The following PARP1 variants were observed in gnomAD, a reference collection of about 807,000 sequenced individuals.
PARP1 encodes poly [ADP-ribose] polymerase 1.
In PARP1, 44 loss-of-function variants were observed where a neutral mutation model predicts 118.7. That is an observed-to-expected ratio of 0.37 (90% CI 0.29 to 0.48). PARP1 has a LOEUF of 0.48. Ranked by LOEUF, PARP1 falls within the 20% of genes least tolerant of loss-of-function variation. The pLI is 0.99. For missense variants in PARP1, 1,100 were observed against 1,272.4 expected (o/e 0.86, Z 2.06); for synonymous variants, 492 against 483.2 (o/e 1.02, Z -0.24).
At position 226,390,113 on chromosome 1, in the gene PARP1, A is replaced by G. The variant is rs1664793273; in HGVS notation, c.617+297T>C. On this transcript the variant is annotated intron_variant, in intron 4 of 22. Coordinates refer to ENST00000366794, the MANE Select transcript of PARP1 (RefSeq NM_001618.4). The stretch of plus-strand genomic sequence containing the variant: ...TAAGTATCTAAAGGGTTGTGGTGGG[A>G]AAGTGTAGTTAGCCTGTCCATGGAG... Among the ~76,000 whole-genome samples the G allele has an allele frequency of 1.3e-5, 2 of 152,100 alleles. 1 individual carries two copies. Among genetic ancestry groups the G allele is most frequent in the Non-Finnish European group, 2.9e-5 (2 of 68,022 alleles).
At chr1:226,405,888 C>T (rs1665137403) in intron 1 of PARP1, among the ~76,000 whole-genome samples, 1 of 152,042 alleles carries the variant, frequency 6.6e-6, no homozygotes, top group Non-Finnish European at 1.5e-5. Flanking sequence ...GGCCGAGGTG[C>T]ATGGATCGCT....
In PARP1 at chr1:226,408,039, C is replaced by A. The variant is rs1024621699; in HGVS notation, c.-110G>T. 4 of 1,511,966 alleles carry A rather than the reference C, an allele frequency of 2.6e-6. No homozygotes were observed. In the African/African-American group the frequency reaches 5.5e-5, roughly 21 times the overall value. 93.7% of individuals were successfully genotyped at this position (1,511,966 alleles called of 1,614,324 possible). A position where few individuals can be genotyped will look rare whatever the true frequency, so the allele number is the denominator to read the frequency against. The stretch of plus-strand genomic sequence containing the variant: ...ACCCAGCCGCAGGCGCCTGAGCGGC[C>A]AGAGCCGCCACCGAACACGCCGCAC... On this transcript the variant is annotated 5_prime_UTR_variant, in exon 1 of 23. Transcript: ENST00000366794.
chr1:226,379,194 C>T lies in PARP1; in HGVS notation c.1693G>A (p.Gly565Arg), dbSNP rs746345386. ...ATLGLVDIVK[G>R]TNSYYKLQLL... ...TGCAGCTTGTAGTAGGAGTTGGTTC[C>T]TTTAACGATGTCCACCAGGCCAAGG... Residue 565 changes from glycine to arginine, a missense_variant, in exon 12 of 23, where the codon GGA (glycine) becomes AGA (arginine). Gly to Arg is a moderately radical substitution (Grantham distance 125, BLOSUM62 -2). This residue lies in a region of PARP1 where 948 missense variants were observed against 1,031.8 expected (regional missense o/e 0.92). Coordinates refer to ENST00000366794, the MANE Select transcript of PARP1 (RefSeq NM_001618.4). The T allele has an allele frequency of 1.9e-6, 3 of 1,614,228 alleles. No homozygotes were observed. In the South Asian group the frequency reaches 3.3e-5, roughly 18 times the overall value.
At position 226,370,422 on chromosome 1, in the gene PARP1, C is replaced by A; in HGVS notation, c.2154+12G>T. On this transcript the variant is annotated intron_variant, in intron 15 of 22. Transcript: ENST00000366794. ...GAGGGTTCCAGGAGGCCCCTGGTAG[C>A]CCTGTGCTTACCTGCTGGACCTCAC... 6.2e-7 allele frequency: 1 copy of A among 1,607,580 alleles called. No homozygotes were observed. Among genetic ancestry groups the A allele is most frequent in the Non-Finnish European group, 8.5e-7 (1 of 1,174,034 alleles).
At chr1:226,384,284 G>T (rs1664675890) in intron 7 of PARP1, among the ~76,000 whole-genome samples, 1 of 152,154 alleles carries the variant, frequency 6.6e-6, no homozygotes, top group Non-Finnish European at 1.5e-5. Context: ...ATGTGAGAAG[G>T]AAGAAAAGGG....
Position 226,361,302 on chromosome 1 carries a change from T to C in PARP1, c.*158A>G. On this transcript the variant is annotated 3_prime_UTR_variant, in exon 23 of 23. Transcript: ENST00000366794. ...ACACAAAACAAGGGACTTGAGAAGT[T>C]AGAGAAAACCTTTAACACGTTTCTG... is the stretch of plus-strand genomic sequence containing the variant. 2 of 694,412 alleles carry C rather than the reference T, an allele frequency of 2.9e-6. No homozygotes were observed. The highest frequency in any genetic ancestry group is 3.1e-5 in the South Asian group (2 of 64,458). 43.0% of individuals were successfully genotyped at this position (694,412 alleles called of 1,614,324 possible).
intron 7 of PARP1, among the ~76,000 whole-genome samples, chr1:226,385,249 A>G (rs752938338): frequency 1.8e-4 from 28 of 152,204 alleles, no homozygotes; most frequent in Admixed American, 9.2e-4. Context: ...TCAATAGATA[A>G]AAACTATTCA....
At chr1:226,373,636 C>A (rs1558235616) in intron 14 of PARP1, among the ~76,000 whole-genome samples, 1 of 152,148 alleles carries the variant, frequency 6.6e-6, no homozygotes, top group Non-Finnish European at 1.5e-5. Flanking sequence ...AACCACCACC[C>A]CCACCCCACT....
At chr1:226,378,588 C>T (rs1664539001) in intron 12 of PARP1, among the ~76,000 whole-genome samples, 2 of 152,188 alleles carry the variant, frequency 1.3e-5, no homozygotes, top group Admixed American at 6.5e-5. Flanking sequence ...AGGCTCATGC[C>T]TGTAATCCCA....
intron 16 of PARP1, 57 bp from the exon 17 acceptor site, chr1:226,367,665 A>G (rs1664299283): frequency 3.1e-6 from 5 of 1,605,916 alleles, no homozygotes; most frequent in South Asian, 1.1e-5. Flanking sequence ...AGACAGACTC[A>G]CCCAGGTGGC....
At chr1:226,407,280 T>C (rs1665167301) in intron 1 of PARP1, among the ~76,000 whole-genome samples, 1 of 151,762 alleles carries the variant, frequency 6.6e-6, no homozygotes, top group Non-Finnish European at 1.5e-5. Flanking sequence ...TGTACAGAAA[T>C]GACACCTTTC....
chr1:226,392,817 T>C (rs1664845703), intron 2 of PARP1: 1 of 911,830 alleles, frequency 1.1e-6, no homozygotes, highest in Non-Finnish European at 1.6e-6. Context: ...GGTTGAATTA[T>C]TCAATAAAGA....
At position 226,391,326 on chromosome 1, in the gene PARP1, C is replaced by T. The variant is rs114464086; in HGVS notation, c.403-702G>A. Reference sequence around the variant, plus strand: ...CTTAGTCTCTTTACAGATGACACCCCCTAAGGAGTAATAAACCCACAGGCA... The same window carrying T: ...CTTAGTCTCTTTACAGATGACACCCTCTAAGGAGTAATAAACCCACAGGCA... On this transcript the variant is annotated intron_variant, in intron 3 of 22. Coordinates refer to ENST00000366794, the MANE Select transcript of PARP1 (RefSeq NM_001618.4). 2.0e-3 allele frequency among the ~76,000 whole-genome samples: 300 copies of T among 152,164 alleles called. 2 individuals carry two copies. Among genetic ancestry groups the T allele is most frequent in the African/African-American group, 6.6e-3 (276 of 41,508 alleles).
At chr1:226,383,264 T>C (rs1354973422) in intron 7 of PARP1, 81 bp from the exon 8 acceptor site, 12 of 1,096,352 alleles carry the variant, frequency 1.1e-5, no homozygotes, top group Non-Finnish European at 8.2e-6. Context: ...ATTTGGCTTG[T>C]CCAAATCAAA....
chr1:226,376,969 G>T, intron 13 of PARP1, 139 bp downstream of exon 13: 1 of 815,188 alleles, frequency 1.2e-6, no homozygotes, highest in African/African-American at 1.7e-5. Context: ...GGGAGAATTT[G>T]TGAAGGACTA....
In PARP1 at chr1:226,383,109, G is replaced by A. The variant is rs367870123; in HGVS notation, c.1086C>T (p.Ser362=). ...GCGGAGGCGTGGCCGCCACGGAGGC[G>A]CTGGTTTCTGGGGGGAATATACGGT... ...KQDRIFPPET[S]ASVAATPPPS... is the part of the protein sequence containing the mutation. Residue 362 remains serine (S), a synonymous_variant, in exon 8 of 23, where the codon AGC becomes AGT. Transcript: ENST00000366794. The A allele has an allele frequency of 5.7e-5, 92 of 1,612,856 alleles. No homozygotes were observed. The highest frequency in any genetic ancestry group is 8.3e-5 in the Admixed American group (5 of 60,016).
chr1:226,375,838 T>C (rs1195706484), intron 13 of PARP1, among the ~76,000 whole-genome samples: 2 of 152,176 alleles, frequency 1.3e-5, no homozygotes, highest in Non-Finnish European at 2.9e-5. Flanking sequence ...CCTGGTACAT[T>C]AGGGCAAAAA....
In PARP1 at chr1:226,366,014, C is replaced by G. The variant is rs1470504355; in HGVS notation, c.2445G>C (p.Arg815Ser). ...DRDSEEAEII[R>S]KYVKNTHATT... ...TTGCATGAGTGTTCTTAACATACTT[C>G]CTGATGATCTCGGCTTCTTCAGAAT... is the stretch of plus-strand genomic sequence containing the variant. The change falls in exon 18 of 23, where the codon AGG becomes AGC. Residue 815 changes from arginine (R) to serine (S), a missense_variant. By Grantham distance (110) the Arg-to-Ser change is moderately radical. Around this residue, in one of 2 missense-constraint regions of PARP1, gnomAD observed 948 missense variants for 1,031.8 expected, o/e 0.92. Coordinates refer to ENST00000366794, the MANE Select transcript of PARP1 (RefSeq NM_001618.4). 1.2e-6 allele frequency: 2 copies of G among 1,613,642 alleles called. No individual in the cohort carries two copies. The highest frequency in any genetic ancestry group is 1.7e-6 in the Non-Finnish European group (2 of 1,179,588).
chr1:226,373,651 A>G (rs1351765966), intron 14 of PARP1, among the ~76,000 whole-genome samples: 1 of 152,100 alleles, frequency 6.6e-6, no homozygotes, highest in Non-Finnish European at 1.5e-5. Flanking sequence ...CCCACTGCCA[A>G]CCTTTTAAAA....
Sources: gnomAD v4.1 joint callset for allele counts (sites outside exome capture counted in the v4.1 genomes callset) on GRCh38, gnomAD v4.1.1 for gene constraint, gnomAD v4.1.1 regional missense constraint, MANE v1.5 for transcripts, NCBI Gene and HGNC (gene_info 2026-07-23, HGNC 2026-07-21) for gene names.